Variants in ADCY2 observed in about 807,000 individuals in gnomAD.
The protein encoded by ADCY2 is adenylate cyclase type 2.
Under a neutral mutation model 125.2 loss-of-function variants are expected in ADCY2, and 31 were observed. The observed-to-expected ratio is 0.25, with a 90% CI of 0.19 to 0.33. ADCY2 has a LOEUF of 0.33. Ranked by LOEUF, ADCY2 falls within the 10% of genes least tolerant of loss-of-function variation. ADCY2 has a pLI of 1.00. For synonymous variants in ADCY2, 512 were observed against 548.4 expected (o/e 0.93, Z 0.93); for missense variants, 904 against 1,418.2 (o/e 0.64, Z 5.82).
chr5:7,683,219 G>A (rs1032321124), intron 4 of ADCY2, among the ~76,000 whole-genome samples: 3 of 152,228 alleles, frequency 2.0e-5, no homozygotes, highest in African/African-American at 7.2e-5. Context: ...GCACTTCACA[G>A]AGGGGCTTTC....
At chr5:7,686,034 A>G (rs190904246) in intron 4 of ADCY2, among the ~76,000 whole-genome samples, 3 of 152,352 alleles carry the variant, frequency 2.0e-5, no homozygotes, top group East Asian at 1.9e-4. Flanking sequence ...TAAGAATTAC[A>G]AAAGAAAAAC....
chr5:7,741,723 T>C (rs1004683871), intron 14 of ADCY2, among the ~76,000 whole-genome samples: 12 of 6,034 alleles, frequency 2.0e-3, no homozygotes, highest in African/African-American at 2.7e-3. Flanking sequence ...TCACCATCAC[T>C]ATCATCATCA....
At chr5:7,397,616 G>A (rs549000029) in intron 1 of ADCY2, among the ~76,000 whole-genome samples, 1 of 152,104 alleles carries the variant, frequency 6.6e-6, no homozygotes, top group Non-Finnish European at 1.5e-5. Flanking sequence ...AGCTGTCCTT[G>A]GTATTTGGCA....
intron 16 of ADCY2, among the ~76,000 whole-genome samples, chr5:7,764,029 G>A (rs570750569): frequency 6.6e-6 from 1 of 152,296 alleles, no homozygotes; most frequent in African/African-American, 2.4e-5. Flanking sequence ...CAGGGTCAAC[G>A]GGAACAGTGT....
At chr5:7,401,177 T>TGC (rs1739250710) in intron 1 of ADCY2, among the ~76,000 whole-genome samples, 1 of 152,242 alleles carries the variant, frequency 6.6e-6, no homozygotes, top group Non-Finnish European at 1.5e-5. Context: ...GAACAATGCC[T>TGC]GGCATAAAGT....
At chr5:7,420,289 A>G (rs1459395595) in intron 2 of ADCY2, among the ~76,000 whole-genome samples, 1 of 152,158 alleles carries the variant, frequency 6.6e-6, no homozygotes, top group Non-Finnish European at 1.5e-5. Flanking sequence ...TTAAGCCCTC[A>G]GTGAGCAGAA....
chr5:7,397,521 G>C lies in ADCY2; in HGVS notation c.210+1015G>C, dbSNP rs533150232. 7.2e-5 allele frequency among the ~76,000 whole-genome samples: 10 copies of C among 139,430 alleles called. No individual in the cohort carries two copies. The South Asian group carries it at 2.4e-3, about 33-fold the overall frequency. 91.5% of individuals were successfully genotyped at this position (139,430 alleles called of 152,430 possible). On this transcript the variant is annotated intron_variant, in intron 1 of 24. Transcript: ENST00000338316. ...GTGTCCACTGGGTGATGTATTTTGAGCTTAGAATATAAATATGTGCCTATA... is the reference window on the plus strand; with the variant it reads ...GTGTCCACTGGGTGATGTATTTTGACCTTAGAATATAAATATGTGCCTATA...
At chr5:7,739,288 C>G (rs1265159995) in intron 14 of ADCY2, among the ~76,000 whole-genome samples, 3 of 151,540 alleles carry the variant, frequency 2.0e-5, no homozygotes, top group Middle Eastern at 3.5e-3. Flanking sequence ...TTAAAATATC[C>G]CCAAATATTT....
intron 3 of ADCY2, among the ~76,000 whole-genome samples, chr5:7,575,348 G>A (rs1736213997): frequency 6.6e-6 from 1 of 151,872 alleles, no homozygotes; most frequent in South Asian, 2.1e-4. Flanking sequence ...ACACAAAACT[G>A]TTTTTTAAAA....
chr5:7,468,647 C>T (rs953475195), intron 2 of ADCY2, among the ~76,000 whole-genome samples: 3 of 152,058 alleles, frequency 2.0e-5, no homozygotes, highest in African/African-American at 7.2e-5. Context: ...GAAATTATTG[C>T]TCTGAATTTG....
At chr5:7,412,758 C>CTA (rs1195950779) in intron 1 of ADCY2, among the ~76,000 whole-genome samples, 3 of 152,222 alleles carry the variant, frequency 2.0e-5, no homozygotes, top group Non-Finnish European at 4.4e-5. Context: ...GACCCACAGG[C>CTA]TATGCCTGGC....
intron 2 of ADCY2, among the ~76,000 whole-genome samples, chr5:7,486,518 C>G (rs1167148043): frequency 1.3e-5 from 2 of 152,206 alleles, no homozygotes; most frequent in Non-Finnish European, 2.9e-5. Context: ...AACACCCGCT[C>G]TTTGCAGTAG....
chr5:7,672,905 C>T (rs1289536984), intron 4 of ADCY2, among the ~76,000 whole-genome samples: 1 of 151,966 alleles, frequency 6.6e-6, no homozygotes, highest in Non-Finnish European at 1.5e-5. Flanking sequence ...AGCCCCTGCT[C>T]TGCTCCGCCT....
chr5:7,722,532 A>G (rs1741792817), intron 12 of ADCY2, among the ~76,000 whole-genome samples: 1 of 152,138 alleles, frequency 6.6e-6, no homozygotes, highest in African/African-American at 2.4e-5. Context: ...ATGTTAACCA[A>G]TCTTTGATTC....
At chr5:7,661,638 G>T (rs564671167) in intron 4 of ADCY2, among the ~76,000 whole-genome samples, 2 of 152,124 alleles carry the variant, frequency 1.3e-5, no homozygotes, top group Non-Finnish European at 2.9e-5. Context: ...TCCAAATCAC[G>T]ATATTCACTT....
At chr5:7,712,183 T>C (rs537502052) in intron 10 of ADCY2, among the ~76,000 whole-genome samples, 2 of 152,364 alleles carry the variant, frequency 1.3e-5, no homozygotes, top group African/African-American at 4.8e-5. Flanking sequence ...CAAAGTTTCT[T>C]TGGAGCAGTT....
chr5:7,490,529 C>A (rs1743122223), intron 2 of ADCY2, among the ~76,000 whole-genome samples: 1 of 152,078 alleles, frequency 6.6e-6, no homozygotes, highest in African/African-American at 2.4e-5. Flanking sequence ...CATGGAAATT[C>A]TCCTAGTCTG....
At chr5:7,590,239 G>T (rs1213477282) in intron 3 of ADCY2, among the ~76,000 whole-genome samples, 3 of 151,892 alleles carry the variant, frequency 2.0e-5, no homozygotes, top group Non-Finnish European at 4.4e-5. Flanking sequence ...TGGGACTCTT[G>T]CAAAAAAGCA....
At chr5:7,617,690 T>C (rs1357957310) in intron 3 of ADCY2, among the ~76,000 whole-genome samples, 2 of 152,164 alleles carry the variant, frequency 1.3e-5, no homozygotes, top group Non-Finnish European at 2.9e-5. Context: ...ATGGTGCCAA[T>C]GAGTTTAAAA....
Sources: gnomAD v4.1 joint callset for allele counts (sites outside exome capture counted in the v4.1 genomes callset) on GRCh38, gnomAD v4.1.1 for gene constraint, MANE v1.5 for transcripts, NCBI Gene and HGNC (gene_info 2026-07-23, HGNC 2026-07-21) for gene names.